Variants in PTPRT observed in about 807,000 individuals in gnomAD.
PTPRT encodes protein tyrosine phosphatase receptor type T, also known as receptor-type tyrosine-protein phosphatase T.
A neutral mutation model predicts 176.8 loss-of-function variants in PTPRT; 56 were observed. The observed-to-expected ratio is 0.32, with a 90% CI of 0.26 to 0.40. The LOEUF (loss-of-function observed/expected upper bound fraction) is 0.40. PTPRT is among the 10% of genes least tolerant of loss of function. PTPRT has a pLI of 1.00. For missense variants in PTPRT, 1,540 were observed against 1,908.2 expected, an observed-to-expected ratio of 0.81 and a Z score of 3.60; for synonymous variants, 783 against 739.0, an observed-to-expected ratio of 1.06 and a Z score of -0.96.
intron 1 of PTPRT, among the ~76,000 whole-genome samples, chr20:43,004,170 TAAAA>T (rs10618644): frequency 7.2e-4 from 92 of 127,316 alleles, no homozygotes; most frequent in African/African-American, 1.8e-3. Context: ...AACCAAGATG[TAAAA>T]AAAAAAAAAA....
At chr20:43,097,950 C>T (rs981510052) in intron 1 of PTPRT, among the ~76,000 whole-genome samples, 8 of 152,206 alleles carry the variant, frequency 5.3e-5, no homozygotes, top group Non-Finnish European at 8.8e-5. Context: ...CAGCACAGTG[C>T]GCGGGCTGTA....
At chr20:43,106,666 G>GAAAAAAAA (rs71193676) in intron 1 of PTPRT, among the ~76,000 whole-genome samples, 6 of 87,002 alleles carry the variant, frequency 6.9e-5, no homozygotes, top group South Asian at 5.2e-4. Context: ...CTCAAAAAAA[G>GAAAAAAAA]AAAAAAAAAA....
intron 17 of PTPRT, among the ~76,000 whole-genome samples, chr20:42,159,433 A>T (rs979689745): frequency 6.1e-5 from 9 of 147,832 alleles, no homozygotes; most frequent in African/African-American, 1.3e-4. Context: ...TTTAATTATT[A>T]TTATACTTTA....
At chr20:42,035,406 C>T in the PTPRT span, among the ~76,000 whole-genome samples, 2 of 152,134 alleles carry the variant, frequency 1.3e-5, no homozygotes, top group African/African-American at 4.8e-5. Flanking sequence ...TACCAGCTCC[C>T]AAGAGCCAGA....
intron 1 of PTPRT, among the ~76,000 whole-genome samples, chr20:43,007,402 C>A (rs1234131114): frequency 1.3e-5 from 2 of 152,184 alleles, no homozygotes; most frequent in Non-Finnish European, 2.9e-5. Flanking sequence ...ATTCTGCTAT[C>A]TTTAGCCATT....
intron 15 of PTPRT, among the ~76,000 whole-genome samples, chr20:42,229,392 T>C (rs374191898): frequency 2.0e-5 from 3 of 152,384 alleles, no homozygotes; most frequent in African/African-American, 7.2e-5. Flanking sequence ...ATTTGATATT[T>C]ACTAGTAATT....
At chr20:42,624,113 G>GA (rs2074250571) in intron 7 of PTPRT, among the ~76,000 whole-genome samples, 1 of 152,000 alleles carries the variant, frequency 6.6e-6, no homozygotes. Context: ...GTGCTGGGGT[G>GA]AACACTGTCA....
At chr20:42,637,817 GA>G (rs1358280333) in intron 7 of PTPRT, among the ~76,000 whole-genome samples, 1 of 152,100 alleles carries the variant, frequency 6.6e-6, no homozygotes, top group Non-Finnish European at 1.5e-5. Flanking sequence ...ATAATTTTAA[GA>G]AAGAGCAACT....
chr20:42,128,860 G>T (rs148975827), intron 18 of PTPRT, 30 bp from the exon 19 acceptor site: 1 of 1,568,752 alleles, frequency 6.4e-7, no homozygotes, highest in South Asian at 1.2e-5. Context: ...CAAGGGGATG[G>T]TTGATAAGAG....
the PTPRT span, among the ~76,000 whole-genome samples, chr20:42,052,186 C>T: frequency 7.2e-4 from 110 of 152,322 alleles, no homozygotes; most frequent in Non-Finnish European, 1.2e-3. Context: ...CCAGGGCACA[C>T]ATCTATGCAG....
At chr20:43,103,835 A>G (rs937491513) in intron 1 of PTPRT, among the ~76,000 whole-genome samples, 1 of 151,984 alleles carries the variant, frequency 6.6e-6, no homozygotes, top group Non-Finnish European at 1.5e-5. Context: ...ACACTGATAT[A>G]ATGTGAAAAT....
chr20:42,714,547 G>A (rs918205444), intron 6 of PTPRT, among the ~76,000 whole-genome samples: 8 of 152,140 alleles, frequency 5.3e-5, no homozygotes, highest in South Asian at 4.1e-4. Flanking sequence ...TGACAAACAC[G>A]TCCACATCTG....
chr20:43,119,958 A>G (rs1408745835), intron 1 of PTPRT, among the ~76,000 whole-genome samples: 2 of 152,160 alleles, frequency 1.3e-5, no homozygotes, highest in Non-Finnish European at 2.9e-5. Context: ...CGGGCTTAGC[A>G]ACTTTATTCT....
chr20:42,235,743 C>T lies in PTPRT; in HGVS notation c.2342+486G>A, dbSNP rs73268894. On this transcript the variant is annotated intron_variant, in intron 15 of 30. Transcript: ENST00000373187. The stretch of plus-strand genomic sequence containing the variant: ...TGGATGTTTCTTTCACCTGTGAGGC[C>T]GGTTCTAGATAAAGTAATGAATCCC... 3.5e-3 allele frequency among the ~76,000 whole-genome samples: 526 copies of T among 152,208 alleles called. 4 individuals are homozygous for T. Among genetic ancestry groups the T allele is most frequent in the African/African-American group, 0.012 (503 of 41,524 alleles).
chr20:42,061,768 C>T, the PTPRT span, among the ~76,000 whole-genome samples: 1,262 of 152,304 alleles, frequency 8.3e-3, 24 homozygotes, highest in African/African-American at 0.029. Context: ...AAAAATCTCA[C>T]CCTGGGATGC....
chr20:43,013,581 A>C (rs773678927), intron 1 of PTPRT, among the ~76,000 whole-genome samples: 7 of 152,130 alleles, frequency 4.6e-5, no homozygotes, highest in Admixed American at 2.0e-4. Context: ...CAGAGACCCT[A>C]CCTTTTTGGA....
At chr20:42,348,370 TTTTATTTATTTA>T (rs145685236) in intron 11 of PTPRT, among the ~76,000 whole-genome samples, 7 of 146,526 alleles carry the variant, frequency 4.8e-5, no homozygotes, top group South Asian at 2.2e-4. Flanking sequence ...GTGACATTTC[TTTTATTTATTTA>T]TTTATTTATT....
intron 16 of PTPRT, among the ~76,000 whole-genome samples, chr20:42,166,940 G>A (rs1037336429): frequency 5.9e-5 from 9 of 151,912 alleles, no homozygotes; most frequent in Admixed American, 2.0e-4. Context: ...AAAAAAGGGG[G>A]GTCTGTTCAT....
chr20:43,110,741 T>C (rs1408592249), intron 1 of PTPRT, among the ~76,000 whole-genome samples: 4 of 152,172 alleles, frequency 2.6e-5, no homozygotes, highest in African/African-American at 9.6e-5. Context: ...AGAAAACCAG[T>C]GTAGGCACTC....
Sources: allele counts gnomAD v4.1 joint callset (sites outside exome capture counted in the v4.1 genomes callset), GRCh38; gene constraint gnomAD v4.1.1; transcripts MANE v1.5; gene names NCBI Gene and HGNC (gene_info 2026-07-23, HGNC 2026-07-21).